Variants in RELN observed in about 807,000 individuals in gnomAD.
RELN encodes reelin.
Under a neutral mutation model 427.6 loss-of-function variants are expected in RELN, and 108 were observed. The ratio of observed to expected loss-of-function variants is 0.25; its 90% CI spans 0.22 to 0.30. RELN has a LOEUF of 0.30. Among genes scored for constraint, RELN ranks in the 10% least tolerant of loss-of-function variants. RELN has a pLI of 1.00. For synonymous variants in RELN, 1,524 were observed against 1,513.4 expected, an observed-to-expected ratio of 1.01 and a Z score of -0.16; for missense variants, 3,715 against 4,302.8, an observed-to-expected ratio of 0.86 and a Z score of 3.82.
chr7:103,652,440 T>C, intron 14 of RELN, 111 bp downstream of exon 14: 2 of 818,958 alleles, frequency 2.4e-6, no homozygotes, highest in South Asian at 3.0e-5. Context: ...CATCAATGAG[T>C]ATTTTACTTA....
chr7:103,560,702 C>A (rs1391669038), intron 36 of RELN, among the ~76,000 whole-genome samples: 1 of 152,172 alleles, frequency 6.6e-6, no homozygotes, highest in Non-Finnish European at 1.5e-5. Flanking sequence ...TTTCTTCAGT[C>A]CCTCAAAACT....
intron 6 of RELN, among the ~76,000 whole-genome samples, chr7:103,747,905 C>A (rs1189616918): frequency 6.6e-6 from 1 of 151,176 alleles, no homozygotes; most frequent in Non-Finnish European, 1.5e-5. Context: ...TGAAAATGGG[C>A]GAAGAAAAAT....
At chr7:103,738,577 T>C (rs1378071449) in intron 6 of RELN, among the ~76,000 whole-genome samples, 1 of 151,440 alleles carries the variant, frequency 6.6e-6, no homozygotes, top group Non-Finnish European at 1.5e-5. Context: ...CCGAAACAAC[T>C]ACTGATCTTA....
intron 1 of RELN, among the ~76,000 whole-genome samples, chr7:103,921,475 T>C (rs899979715): frequency 1.3e-5 from 2 of 152,168 alleles, no homozygotes; most frequent in African/African-American, 2.4e-5. Flanking sequence ...CATTAAAATG[T>C]CAAGAGAACT....
chr7:103,580,544 T>G (rs1260292849), intron 28 of RELN, among the ~76,000 whole-genome samples: 1 of 152,206 alleles, frequency 6.6e-6, no homozygotes, highest in Non-Finnish European at 1.5e-5. Flanking sequence ...CACACTGCAA[T>G]TTCAGATTCA....
At chr7:103,830,130 G>A (rs1793240980) in intron 3 of RELN, among the ~76,000 whole-genome samples, 3 of 120,856 alleles carry the variant, frequency 2.5e-5, no homozygotes, top group South Asian at 3.9e-4. Flanking sequence ...CTTCAGAGAT[G>A]CCAAAAATGT....
intron 1 of RELN, among the ~76,000 whole-genome samples, chr7:103,918,366 A>G (rs1041564447): frequency 2.0e-5 from 3 of 152,176 alleles, no homozygotes; most frequent in Non-Finnish European, 4.4e-5. Flanking sequence ...AAACATACCT[A>G]TAAGAGGGAT....
chr7:103,579,855 C>G lies in RELN; in HGVS notation c.4146-4150G>C, dbSNP rs143128443. On this transcript the variant is annotated intron_variant, in intron 28 of 64. Coordinates refer to ENST00000428762, the MANE Select transcript of RELN (RefSeq NM_005045.4). ...TCAAACTAGGAAGGTTTCTGCTTGT[C>G]CCGTGCAGAGATGCAGAGTATTCTG... Among the ~76,000 whole-genome samples, 1,096 of 152,266 alleles carry G rather than the reference C, an allele frequency of 7.2e-3. 8 individuals carry two copies. The highest frequency in any genetic ancestry group is 0.011 in the Non-Finnish European group (743 of 68,032).
chr7:103,748,099 A>T (rs1255188830), intron 6 of RELN, among the ~76,000 whole-genome samples: 54 of 151,792 alleles, frequency 3.6e-4, no homozygotes, highest in Non-Finnish European at 2.9e-5. Context: ...AAATGTCTGA[A>T]GGAAAAAACT....
chr7:103,572,153 C>G, intron 31 of RELN, 31 bp downstream of exon 31: 2 of 1,300,040 alleles, frequency 1.5e-6, no homozygotes, highest in Non-Finnish European at 2.2e-6. Context: ...CCAATAGTAA[C>G]TGTAATTTCC....
At chr7:103,624,580 C>T (rs1832287732) in intron 20 of RELN, among the ~76,000 whole-genome samples, 1 of 152,142 alleles carries the variant, frequency 6.6e-6, no homozygotes, top group African/African-American at 2.4e-5. Context: ...GCGTCCGCCA[C>T]CAGGCCCTGC....
At chr7:103,630,840 G>GTTT (rs1265435565) in intron 19 of RELN, among the ~76,000 whole-genome samples, 3 of 87,614 alleles carry the variant, frequency 3.4e-5, no homozygotes, top group South Asian at 4.3e-4. Context: ...AAAGGGCTGA[G>GTTT]TTATTTTTTT....
intron 2 of RELN, among the ~76,000 whole-genome samples, chr7:103,834,334 C>T (rs572689295): frequency 5.3e-5 from 8 of 152,254 alleles, no homozygotes; most frequent in African/African-American, 7.2e-5. Flanking sequence ...TGGTCACTTT[C>T]GTGGTTTGCT....
intron 4 of RELN, among the ~76,000 whole-genome samples, chr7:103,754,455 C>T (rs1257372717): frequency 6.6e-6 from 1 of 151,614 alleles, no homozygotes; most frequent in Non-Finnish European, 1.5e-5. Flanking sequence ...AAAAGGAAGA[C>T]CGAGTCACTC....
intron 6 of RELN, among the ~76,000 whole-genome samples, chr7:103,733,101 C>T (rs545151308): frequency 6.6e-6 from 1 of 151,960 alleles, no homozygotes; most frequent in South Asian, 2.1e-4. Context: ...AAGAAAAAAA[C>T]AAACAACCCC....
chr7:103,834,049 G>A (rs141416938), intron 2 of RELN, among the ~76,000 whole-genome samples: 5 of 152,150 alleles, frequency 3.3e-5, no homozygotes, highest in South Asian at 2.1e-4. Context: ...TCAGTAAAAG[G>A]ATGTCAGGAG....
intron 2 of RELN, among the ~76,000 whole-genome samples, chr7:103,841,816 C>G (rs1309141828): frequency 6.6e-6 from 1 of 152,094 alleles, no homozygotes; most frequent in East Asian, 1.9e-4. Flanking sequence ...ATTACACATT[C>G]ATGTTGGGTC....
intron 2 of RELN, among the ~76,000 whole-genome samples, chr7:103,856,072 T>C (rs1238200392): frequency 6.6e-6 from 1 of 152,178 alleles, no homozygotes; most frequent in African/African-American, 2.4e-5. Context: ...AGTGAAAGCA[T>C]GAACGGTGTT....
At chr7:103,769,761 A>G (rs1455232237) in intron 4 of RELN, among the ~76,000 whole-genome samples, 1 of 152,180 alleles carries the variant, frequency 6.6e-6, no homozygotes, top group African/African-American at 2.4e-5. Flanking sequence ...ACTTCAGACA[A>G]GGCTACTCTG....
Sources: gnomAD v4.1 joint callset for allele counts (sites outside exome capture counted in the v4.1 genomes callset) on GRCh38, gnomAD v4.1.1 for gene constraint, MANE v1.5 for transcripts, NCBI Gene and HGNC (gene_info 2026-07-23, HGNC 2026-07-21) for gene names.